Variants in RANBP3 observed in about 807,000 individuals in gnomAD.
RANBP3 encodes the protein ran-binding protein 3.
RANBP3 carries 14 observed loss-of-function variants against 77.3 expected under a neutral mutation model. The ratio of observed to expected loss-of-function variants is 0.18; its 90% CI spans 0.12 to 0.28. The LOEUF (loss-of-function observed/expected upper bound fraction) is 0.28. Ranked by LOEUF, RANBP3 falls within the 10% of genes least tolerant of loss-of-function variation. The pLI is 1.00. For synonymous variants in RANBP3, 315 were observed against 312.4 expected (o/e 1.01, Z -0.09); for missense variants, 586 against 752.3 (o/e 0.78, Z 2.59).
intron 13 of RANBP3, among the ~76,000 whole-genome samples, chr19:5,922,754 AC>A (rs2057840490): frequency 6.6e-6 from 1 of 152,204 alleles, no homozygotes; most frequent in African/African-American, 2.4e-5. Context: ...AGCCTGGCCA[AC>A]ATGGGGAAAC....
chr19:5,917,293 G>A lies in RANBP3; in HGVS notation c.*317C>T, dbSNP rs2144994422. The stretch of plus-strand genomic sequence containing the variant: ...GGACCCAGAGGCTGGCGACACGCGG[G>A]GTGAAGGAACGAGGTCTCCAGTCCC... On this transcript the variant is annotated 3_prime_UTR_variant, in exon 17 of 17. Transcript: ENST00000340578. 4.7e-6 allele frequency: 2 copies of A among 427,090 alleles called. No individual in the cohort carries two copies. Among genetic ancestry groups the A allele is most frequent in the African/African-American group, 2.1e-5 (1 of 48,654 alleles). 26.5% of individuals were successfully genotyped at this position (427,090 alleles called of 1,614,324 possible). A position where few individuals can be genotyped will look rare whatever the true frequency, so the allele number is the denominator to read the frequency against.
At chr19:5,957,762 C>T (rs1185772701) in intron 2 of RANBP3, 156 bp downstream of exon 2, 3 of 764,120 alleles carry the variant, frequency 3.9e-6, no homozygotes, top group Non-Finnish European at 6.6e-6. Context: ...AAGCCTTTTC[C>T]CTCCAAGCTC....
intron 3 of RANBP3, among the ~76,000 whole-genome samples, chr19:5,948,452 C>CAA (rs113674051): frequency 1.8e-5 from 2 of 108,720 alleles, no homozygotes; most frequent in East Asian, 2.6e-4. Context: ...GACTCCATGT[C>CAA]AAAAAAAAAA....
chr19:5,971,028 C>G (rs955348498), intron 1 of RANBP3, among the ~76,000 whole-genome samples: 2 of 152,180 alleles, frequency 1.3e-5, no homozygotes, highest in Non-Finnish European at 2.9e-5. Context: ...CACTGAGGCT[C>G]TGCTAGCACA....
Position 5,959,160 on chromosome 19 carries a change from G to A in RANBP3, c.23-1187C>T, listed in dbSNP as rs1430834965. Among the ~76,000 whole-genome samples the A allele has an allele frequency of 4.6e-5, 7 of 152,222 alleles. No homozygotes were observed. Among genetic ancestry groups the A allele is most frequent in the Admixed American group, 6.5e-5 (1 of 15,306 alleles). On this transcript the variant is annotated intron_variant, in intron 1 of 16. Coordinates refer to ENST00000340578, the MANE Select transcript of RANBP3 (RefSeq NM_007322.3). This position sits in a 1 kb window ranked among gnomAD's most constrained non-coding sequence, Gnocchi z 5.1. Reference sequence around the variant, plus strand: ...GCAGCAGCTTGAAGTCACAGCTTGCGGGGTGATGGGGCCAGGGGCAGGCGG... The same window carrying A: ...GCAGCAGCTTGAAGTCACAGCTTGCAGGGTGATGGGGCCAGGGGCAGGCGG...
chr19:5,958,214 AG>A lies in RANBP3; in HGVS notation c.23-242del, dbSNP rs2058358365. 6.6e-6 allele frequency among the ~76,000 whole-genome samples: 1 copy of A among 152,196 alleles called. No individual in the cohort carries two copies. The highest frequency in any genetic ancestry group is 2.4e-5 in the African/African-American group (1 of 41,444). ...CTGCTGTATGCATTTATCATCAATA[AG>A]GAGTTTTCAAGACTCACTGAGAGCG... On this transcript the variant is annotated intron_variant, in intron 1 of 16. Coordinates refer to ENST00000340578, the MANE Select transcript of RANBP3 (RefSeq NM_007322.3). The surrounding 1 kb of genome is among the most constrained non-coding windows in gnomAD (Gnocchi z 4.4).
Position 5,925,631 on chromosome 19 carries a change from C to G in RANBP3, c.917+3G>C, listed in dbSNP as rs1179885597. 8 of 1,613,652 alleles carry G rather than the reference C, an allele frequency of 5.0e-6. No homozygotes were observed. The Admixed American group carries it at 5.0e-5, about 10-fold the overall frequency. On this transcript the variant is annotated splice_donor_region_variant and intron_variant, in intron 10 of 16. Coordinates refer to ENST00000340578, the MANE Select transcript of RANBP3 (RefSeq NM_007322.3). The stretch of plus-strand genomic sequence containing the variant: ...GGCTGGCCGCTGACACCGAGACACA[C>G]ACCTGGAACTGATATACTGGAGGAA...
intron 5 of RANBP3, among the ~76,000 whole-genome samples, chr19:5,939,116 C>T (rs1225251074): frequency 2.6e-5 from 4 of 152,040 alleles, no homozygotes; most frequent in Admixed American, 6.6e-5. Context: ...ACCCGGGAGG[C>T]GGAGGTTGCA....
intron 1 of RANBP3, among the ~76,000 whole-genome samples, chr19:5,964,794 G>A (rs915397457): frequency 2.1e-5 from 3 of 143,210 alleles, no homozygotes; most frequent in African/African-American, 7.7e-5. Context: ...CACGCCTTGG[G>A]GACAGACTGG....
rs375247292 is a variant in RANBP3, at chr19:5,924,102, C to T, written c.997-188G>A. 3.9e-5 allele frequency among the ~76,000 whole-genome samples: 6 copies of T among 152,270 alleles called. No individual in the cohort carries two copies. The highest frequency in any genetic ancestry group is 1.9e-4 in the East Asian group (1 of 5,180). On this transcript the variant is annotated intron_variant, in intron 11 of 16. Transcript: ENST00000340578. The surrounding 1 kb of genome is among the most constrained non-coding windows in gnomAD (Gnocchi z 4.7). ...TCAGGCATCACTACGGGGTGAGTGCCACCAGCCGACAGTCCCCTCGAGCCA... is the reference window on the plus strand; with the variant it reads ...TCAGGCATCACTACGGGGTGAGTGCTACCAGCCGACAGTCCCCTCGAGCCA...
intron 15 of RANBP3, 103 bp downstream of exon 15, chr19:5,918,393 T>TCCCCCCCCCCC: frequency 2.1e-5 from 3 of 143,366 alleles, no homozygotes; most frequent in South Asian, 1.8e-4. Context: ...CTGAAGCCCC[T>TCCCCCCCCCCC]CCCCCCTCCC....
At chr19:5,918,082 G>A in intron 15 of RANBP3, 102 bp from the exon 16 acceptor site, 6 of 1,302,416 alleles carry the variant, frequency 4.6e-6, no homozygotes, top group Non-Finnish European at 6.2e-6. Context: ...AGGTGACACT[G>A]CCACAAGGCC....
At chr19:5,946,400 T>C (rs1263465135) in intron 3 of RANBP3, among the ~76,000 whole-genome samples, 1 of 152,130 alleles carries the variant, frequency 6.6e-6, no homozygotes, top group Non-Finnish European at 1.5e-5. Flanking sequence ...TGACCCCTGA[T>C]CTCAGGAGAC....
chr19:5,962,040 C>G (rs944983570), intron 1 of RANBP3, among the ~76,000 whole-genome samples: 1 of 152,108 alleles, frequency 6.6e-6, no homozygotes, highest in Non-Finnish European at 1.5e-5. Flanking sequence ...CTGCTGCACT[C>G]CCTCCCGAGC....
At chr19:5,937,530 A>C (rs953298043) in intron 5 of RANBP3, among the ~76,000 whole-genome samples, 3 of 152,148 alleles carry the variant, frequency 2.0e-5, no homozygotes, top group Non-Finnish European at 4.4e-5. Flanking sequence ...CTTTTTTCTA[A>C]TGGACTCATG....
intron 8 of RANBP3, among the ~76,000 whole-genome samples, chr19:5,929,024 G>T (rs1231752179): frequency 5.3e-5 from 8 of 152,200 alleles, no homozygotes; most frequent in Non-Finnish European, 1.2e-4. Context: ...TGAACTCGGA[G>T]GTGAGAAAGG....
chr19:5,942,388 A>G (rs1599754877), intron 3 of RANBP3, among the ~76,000 whole-genome samples: 2 of 152,216 alleles, frequency 1.3e-5, no homozygotes, highest in South Asian at 2.1e-4. Context: ...GAACAGAACC[A>G]TCAAAGACAA....
chr19:5,928,654 G>C (rs925333461), intron 8 of RANBP3, among the ~76,000 whole-genome samples: 2 of 152,098 alleles, frequency 1.3e-5, no homozygotes, highest in Admixed American at 1.3e-4. Flanking sequence ...AGTCGGGAGA[G>C]AGAATTCAAA....
intron 1 of RANBP3, among the ~76,000 whole-genome samples, chr19:5,967,775 C>A (rs184338189): frequency 6.6e-6 from 1 of 152,154 alleles, no homozygotes; most frequent in African/African-American, 2.4e-5. Context: ...AATCCCAGCA[C>A]GTTGGGAGGC....
Sources: gnomAD v4.1 joint callset for allele counts (sites outside exome capture counted in the v4.1 genomes callset) on GRCh38, gnomAD v4.1.1 for gene constraint, Gnocchi (gnomAD v3.1) non-coding constraint, MANE v1.5 for transcripts, NCBI Gene and HGNC (gene_info 2026-07-23, HGNC 2026-07-21) for gene names.